DNAAF4: variants seen among roughly 807,000 people sequenced by gnomAD.
DNAAF4 encodes the protein dynein axonemal assembly factor 4, also known as dynein assembly factor 4, axonemal.
Under a neutral mutation model 51.8 loss-of-function variants are expected in DNAAF4, and 43 were observed. That is an observed-to-expected ratio of 0.83 (90% CI 0.65 to 1.07). The LOEUF (loss-of-function observed/expected upper bound fraction) is 1.07, where lower values mean the gene tolerates loss of function less well. DNAAF4 is among the 50% of genes least tolerant of loss of function. DNAAF4 has a pLI of 0.00. For synonymous variants in DNAAF4, 194 were observed against 165.6 expected (o/e 1.17, Z -1.32); for missense variants, 581 against 493.0 (o/e 1.18, Z -1.69).
intron 6 of DNAAF4, 38 bp from the exon 7 acceptor site, chr15:55,439,619 TC>T: frequency 6.4e-7 from 1 of 1,555,858 alleles, no homozygotes; most frequent in African/African-American, 1.4e-5. Context: ...AATAAAAAGG[TC>T]TTTTTTTAAT....
chr15:55,430,829 C>A, intron 9 of DNAAF4, 50 bp from the exon 10 acceptor site: 1 of 1,365,392 alleles, frequency 7.3e-7, no homozygotes, highest in Non-Finnish European at 1.0e-6. Flanking sequence ...TTTATTAGCA[C>A]TTCTTTTATC....
intron 5 of DNAAF4, among the ~76,000 whole-genome samples, chr15:55,465,944 G>A (rs1324329816): frequency 6.6e-6 from 1 of 152,074 alleles, no homozygotes; most frequent in African/African-American, 2.4e-5. Flanking sequence ...GGACTAGGGG[G>A]GAAGGGTGCA....
chr15:55,493,619 C>T (rs1230882805), intron 3 of DNAAF4, among the ~76,000 whole-genome samples: 4 of 151,970 alleles, frequency 2.6e-5, no homozygotes, highest in African/African-American at 9.7e-5. Context: ...AGACAGTCTA[C>T]GTGTATAAAC....
intron 5 of DNAAF4, among the ~76,000 whole-genome samples, chr15:55,456,244 G>A (rs529710768): frequency 8.6e-5 from 13 of 151,648 alleles, no homozygotes; most frequent in East Asian, 1.9e-4. Context: ...CACCACGTCC[G>A]GCTAGTTTTG....
At position 55,498,224 on chromosome 15, in the gene DNAAF4, T is replaced by C. The variant is rs757447820; in HGVS notation, c.106A>G (p.Thr36Ala). The stretch of plus-strand genomic sequence containing the variant: ...ATTCTTACCTTCAGATAGTTTTCCG[T>C]GCAGAACACGTCCGTGTCTCTGACG... ...VCVRDTDVFC[T>A]ENYLKVNFPP... Residue 36 changes from threonine (T) to alanine (A), a missense_variant, in exon 2 of 10, where the codon ACG becomes GCG. Thr to Ala is a moderately conservative substitution (Grantham distance 58). Transcript: ENST00000321149. 1 of 1,614,024 alleles carries C rather than the reference T, an allele frequency of 6.2e-7. No homozygotes were observed. The highest frequency in any genetic ancestry group is 8.5e-7 in the Non-Finnish European group (1 of 1,179,958).
At chr15:55,480,990 ATGG>A (rs1346780439) in intron 4 of DNAAF4, among the ~76,000 whole-genome samples, 1 of 152,016 alleles carries the variant, frequency 6.6e-6, no homozygotes. Flanking sequence ...ACAAGATCTA[ATGG>A]TTTTATAAGG....
At chr15:55,440,553 TA>T (rs1335179678) in intron 6 of DNAAF4, among the ~76,000 whole-genome samples, 1 of 150,370 alleles carries the variant, frequency 6.7e-6, no homozygotes, top group Non-Finnish European at 1.5e-5. Context: ...TAATTTTTTG[TA>T]TTTTTAGTAG....
chr15:55,490,148 C>G (rs955431124), intron 4 of DNAAF4, among the ~76,000 whole-genome samples: 6 of 152,044 alleles, frequency 3.9e-5, no homozygotes, highest in African/African-American at 1.4e-4. Flanking sequence ...GCTGGGATTA[C>G]AGGCATGAGC....
chr15:55,481,645 G>A (rs150883067), intron 4 of DNAAF4, among the ~76,000 whole-genome samples: 54 of 152,198 alleles, frequency 3.5e-4, no homozygotes, highest in South Asian at 1.2e-3. Flanking sequence ...GCCCTAATCC[G>A]CACGAAGCAA....
intron 4 of DNAAF4, among the ~76,000 whole-genome samples, chr15:55,477,471 T>C (rs574281275): frequency 7.0e-6 from 1 of 142,496 alleles, no homozygotes; most frequent in East Asian, 1.9e-4. Context: ...ATGGCACTAA[T>C]AGACCAAAGG....
intron 6 of DNAAF4, among the ~76,000 whole-genome samples, chr15:55,440,579 C>A (rs924002179): frequency 6.8e-6 from 1 of 147,748 alleles, no homozygotes; most frequent in Non-Finnish European, 1.5e-5. Flanking sequence ...GAGGTTTCAC[C>A]CTGGTCTCGA....
chr15:55,495,943 C>T (rs552791234), intron 3 of DNAAF4, among the ~76,000 whole-genome samples: 1 of 151,998 alleles, frequency 6.6e-6, no homozygotes, highest in Non-Finnish European at 1.5e-5. Context: ...CTGGGGATGT[C>T]AGGCCGGTCG....
downstream of DNAAF4, among the ~76,000 whole-genome samples, chr15:55,427,000 T>C (rs780641286): frequency 3.0e-4 from 46 of 152,162 alleles, no homozygotes; most frequent in Non-Finnish European, 5.1e-4. Context: ...GACACGGAAA[T>C]TGCAACAGAG....
At chr15:55,480,529 CA>C (rs2058394838) in intron 4 of DNAAF4, among the ~76,000 whole-genome samples, 1 of 152,068 alleles carries the variant, frequency 6.6e-6, no homozygotes, top group Non-Finnish European at 1.5e-5. Context: ...GGACTGGAAC[CA>C]ATTGTTTGCA....
chr15:55,437,567 G>A (rs553586434), intron 7 of DNAAF4, among the ~76,000 whole-genome samples: 11 of 152,150 alleles, frequency 7.2e-5, no homozygotes, highest in African/African-American at 2.4e-4. Flanking sequence ...ACCTAACACG[G>A]CAAAAAGGAC....
chr15:55,492,528 GAAAT>G lies in DNAAF4; in HGVS notation c.272-1276_272-1273del, dbSNP rs553143747. On this transcript the variant is annotated intron_variant, in intron 3 of 9. Coordinates refer to ENST00000321149, the MANE Select transcript of DNAAF4 (RefSeq NM_130810.4). ...TATCAAAACACTTATAAAACATTAA[GAAAT>G]AAAATTGTGATATACTTTTTTTTTT... 7.9e-3 allele frequency among the ~76,000 whole-genome samples: 1,196 copies of G among 152,032 alleles called. 15 individuals are homozygous for G. The highest frequency in any genetic ancestry group is 0.028 in the African/African-American group (1,151 of 41,494).
intron 4 of DNAAF4, among the ~76,000 whole-genome samples, chr15:55,485,087 G>A (rs778893830): frequency 6.6e-6 from 1 of 152,150 alleles, no homozygotes; most frequent in East Asian, 1.9e-4. Context: ...TAGCCAAAGG[G>A]TGGAAGCAAC....
At chr15:55,485,170 G>C (rs187163513) in intron 4 of DNAAF4, among the ~76,000 whole-genome samples, 1 of 152,236 alleles carries the variant, frequency 6.6e-6, no homozygotes, top group African/African-American at 2.4e-5. Context: ...CAAAAGTACA[G>C]AGCTCTAAGA....
chr15:55,418,714 T>C, intron 7 of DNAAF4: 1 of 571,142 alleles, frequency 1.8e-6, no homozygotes, highest in Non-Finnish European at 2.9e-6. Flanking sequence ...AACTGATAAC[T>C]ACATGACAGT....
Sources: gnomAD v4.1 joint callset for allele counts (sites outside exome capture counted in the v4.1 genomes callset) on GRCh38, gnomAD v4.1.1 for gene constraint, MANE v1.5 for transcripts, NCBI Gene and HGNC (gene_info 2026-07-23, HGNC 2026-07-21) for gene names.